Variants in EYA1 observed in about 807,000 individuals in gnomAD.
The protein encoded by EYA1 is EYA transcriptional coactivator and phosphatase 1.
EYA1 carries 16 observed loss-of-function variants against 82.0 expected under a neutral mutation model. The ratio of observed to expected loss-of-function variants is 0.20; its 90% CI spans 0.13 to 0.30. EYA1 has a LOEUF of 0.30. EYA1 is among the 10% of genes least tolerant of loss of function. EYA1 has a pLI of 1.00. For missense variants in EYA1, 633 were observed against 730.7 expected (o/e 0.87, Z 1.54); for synonymous variants, 261 against 264.4 (o/e 0.99, Z 0.12).
At chr8:71,475,805 C>G (rs1809616676) in intron 2 of EYA1, among the ~76,000 whole-genome samples, 1 of 152,124 alleles carries the variant, frequency 6.6e-6, no homozygotes, top group East Asian at 1.9e-4. Context: ...TATTTTATTA[C>G]TCAGTCAATC....
At chr8:71,391,544 T>C (rs1829282391) in intron 2 of EYA1, among the ~76,000 whole-genome samples, 2 of 152,226 alleles carry the variant, frequency 1.3e-5, no homozygotes, top group Admixed American at 1.3e-4. Flanking sequence ...TTGATGATTA[T>C]GTTGTAAAAC....
chr8:71,204,626 T>C (rs866410885), intron 17 of EYA1, among the ~76,000 whole-genome samples: 20 of 152,292 alleles, frequency 1.3e-4, no homozygotes, highest in Middle Eastern at 6.8e-3. Context: ...CATGGACTGA[T>C]ATAGAATAAC....
chr8:71,389,898 G>GTA (rs748480700), intron 2 of EYA1, among the ~76,000 whole-genome samples: 11 of 151,904 alleles, frequency 7.2e-5, no homozygotes, highest in East Asian at 5.8e-4. Flanking sequence ...AGTTAATTGG[G>GTA]TATATATATA....
intron 12 of EYA1, among the ~76,000 whole-genome samples, chr8:71,224,546 T>C (rs980404729): frequency 3.9e-5 from 6 of 152,234 alleles, no homozygotes; most frequent in African/African-American, 1.2e-4. Flanking sequence ...TTGACATCTA[T>C]AGGTCACTAA....
chr8:71,219,127 A>G lies in EYA1; in HGVS notation c.1141-2104T>C, dbSNP rs79046933. On this transcript the variant is annotated intron_variant, in intron 12 of 17. Transcript: ENST00000340726. Reference sequence around the variant, plus strand: ...AGCTGTGAACGACCCCATTGTTGCTATTGTTCTTCCACATCCTGTATTTGT... The same window carrying G: ...AGCTGTGAACGACCCCATTGTTGCTGTTGTTCTTCCACATCCTGTATTTGT... Among the ~76,000 whole-genome samples, 216 of 152,220 alleles carry G rather than the reference A, an allele frequency of 1.4e-3. 1 individual carries two copies. The highest frequency in any genetic ancestry group is 4.9e-3 in the African/African-American group (204 of 41,544).
rs575664693 is a variant in EYA1 at position 71,304,514 on chromosome 8, T to C, written c.557-4794A>G. Among the ~76,000 whole-genome samples, 10 of 142,976 alleles carry C rather than the reference T, an allele frequency of 7.0e-5. 1 individual carries two copies. The highest frequency in any genetic ancestry group is 4.5e-4 in the South Asian group (2 of 4,402). The allele number at this position is 142,976 out of a possible 152,430, so 93.8% of individuals were successfully genotyped here. On this transcript the variant is annotated intron_variant, in intron 7 of 17. Transcript: ENST00000340726. Reference sequence around the variant, plus strand: ...TGCTTATTCTTCCTAGGCAAATACCTGGGCTTCCCTTTCAGACACAGAAAT... The same window carrying C: ...TGCTTATTCTTCCTAGGCAAATACCCGGGCTTCCCTTTCAGACACAGAAAT...
At chr8:71,375,159 AC>A (rs1828299554) in intron 2 of EYA1, among the ~76,000 whole-genome samples, 1 of 152,170 alleles carries the variant, frequency 6.6e-6, no homozygotes, top group Non-Finnish European at 1.5e-5. Context: ...TACAAAACAA[AC>A]AAAAAGTAAC....
chr8:71,233,917 G>T (rs941460183), intron 12 of EYA1, among the ~76,000 whole-genome samples: 4 of 152,160 alleles, frequency 2.6e-5, no homozygotes, highest in Non-Finnish European at 5.9e-5. Context: ...TCTTGTGTCA[G>T]GAGCTCAGGA....
rs781359146 is a variant in EYA1, at chr8:71,354,957, A to G, written c.-4-48T>C. 6.3e-6 allele frequency: 10 copies of G among 1,594,078 alleles called. No individual in the cohort carries two copies. In the East Asian group the frequency reaches 1.4e-4, roughly 22 times the overall value. ...TTGACAGATGTACCAAATTCATAACACCACCATTTAATGCGCTAATGACTT... is the reference window on the plus strand; with the variant it reads ...TTGACAGATGTACCAAATTCATAACGCCACCATTTAATGCGCTAATGACTT... On this transcript the variant is annotated intron_variant, in intron 2 of 17. Transcript: ENST00000340726.
chr8:71,527,394 A>C (rs1563705875), intron 2 of EYA1, among the ~76,000 whole-genome samples: 1 of 152,220 alleles, frequency 6.6e-6, no homozygotes, highest in Non-Finnish European at 1.5e-5. Context: ...CTGTGTTAAA[A>C]TTAGAAGAGA....
intron 2 of EYA1, among the ~76,000 whole-genome samples, chr8:71,431,487 T>G (rs1805612716): frequency 6.6e-6 from 1 of 152,146 alleles, no homozygotes; most frequent in Non-Finnish European, 1.5e-5. Flanking sequence ...GCCTAGTCCC[T>G]GATACCCTCC....
chr8:71,305,369 T>A (rs1820611903), intron 7 of EYA1, among the ~76,000 whole-genome samples: 2 of 142,750 alleles, frequency 1.4e-5, no homozygotes, highest in South Asian at 4.5e-4. Context: ...GATTGCTTCA[T>A]GTGAAACTTC....
chr8:71,503,358 A>C (rs940120850), intron 2 of EYA1, among the ~76,000 whole-genome samples: 7 of 152,028 alleles, frequency 4.6e-5, no homozygotes, highest in Non-Finnish European at 1.0e-4. Context: ...CTGTAGTCCC[A>C]GTTACTCGGG....
intron 12 of EYA1, among the ~76,000 whole-genome samples, chr8:71,233,740 G>A (rs1811511109): frequency 6.6e-6 from 1 of 152,080 alleles, no homozygotes. Flanking sequence ...TAATATGAAA[G>A]TCTAATATCT....
chr8:71,532,255 A>G (rs1586898834), intron 2 of EYA1, among the ~76,000 whole-genome samples: 1 of 152,102 alleles, frequency 6.6e-6, no homozygotes, highest in Admixed American at 6.5e-5. Context: ...GCTTCCCTGC[A>G]CTGCCACCCT....
At chr8:71,284,085 C>G (rs993728751) in intron 9 of EYA1, among the ~76,000 whole-genome samples, 1 of 152,150 alleles carries the variant, frequency 6.6e-6, no homozygotes, top group Non-Finnish European at 1.5e-5. Flanking sequence ...TTTCTCCAAG[C>G]CGTAAGTCTC....
At chr8:71,393,097 C>T (rs1586617054) in intron 2 of EYA1, among the ~76,000 whole-genome samples, 2 of 152,006 alleles carry the variant, frequency 1.3e-5, no homozygotes, top group African/African-American at 4.8e-5. Context: ...AACTATGTAC[C>T]TCTATTTTCA....
rs1815952491 is a variant in EYA1, at chr8:71,267,269, G to T, written c.1050+2471C>A. On this transcript the variant is annotated intron_variant, in intron 11 of 17. Transcript: ENST00000340726. ...ACTCTCCATCTCCATCACTAAGCTT[G>T]GTCTCACTGGCCTCTGTCCATCAAA... is the stretch of plus-strand genomic sequence containing the variant. 2.6e-5 allele frequency among the ~76,000 whole-genome samples: 4 copies of T among 152,170 alleles called. No homozygotes were observed. In the South Asian group the frequency reaches 8.3e-4, roughly 32 times the overall value.
intron 2 of EYA1, chr8:71,530,745 C>T (rs184863257): frequency 2.6e-5 from 4 of 152,210 alleles, no homozygotes; most frequent in African/African-American, 7.2e-5. Context: ...CTAGCATCTC[C>T]AAGTACAGGA....
Sources: allele counts gnomAD v4.1 joint callset (sites outside exome capture counted in the v4.1 genomes callset), GRCh38; gene constraint gnomAD v4.1.1; transcripts MANE v1.5; gene names NCBI Gene and HGNC (gene_info 2026-07-23, HGNC 2026-07-21).